FLT1: variants seen among roughly 807,000 people sequenced by gnomAD.
The protein encoded by FLT1 is fms related receptor tyrosine kinase 1.
In FLT1, 49 loss-of-function variants were observed where a neutral mutation model predicts 156.3. The ratio of observed to expected loss-of-function variants is 0.31; its 90% CI spans 0.25 to 0.40. The LOEUF (loss-of-function observed/expected upper bound fraction) is 0.40. FLT1 is among the 10% of genes least tolerant of loss of function. The pLI is 1.00. For synonymous variants in FLT1, 594 were observed against 583.8 expected (o/e 1.02, Z -0.25); for missense variants, 1,322 against 1,637.2 (o/e 0.81, Z 3.32).
intron 27 of FLT1, 47 bp from the exon 28 acceptor site, chr13:28,308,974 G>T: frequency 3.6e-6 from 4 of 1,122,074 alleles, no homozygotes; most frequent in Non-Finnish European, 1.4e-6. Flanking sequence ...AAGGCATCCA[G>T]CTCTAATGAG....
At chr13:28,409,353 CTT>C (rs60544619) in intron 10 of FLT1, among the ~76,000 whole-genome samples, 28 of 143,230 alleles carry the variant, frequency 2.0e-4, no homozygotes, top group East Asian at 1.2e-3. Flanking sequence ...TTCTTTCTTT[CTT>C]TTTTTTTTTT....
At chr13:28,491,085 C>G (rs1324558652) in intron 1 of FLT1, among the ~76,000 whole-genome samples, 2 of 152,308 alleles carry the variant, frequency 1.3e-5, no homozygotes, top group East Asian at 3.9e-4. Flanking sequence ...TCAGCCATAA[C>G]TCTGCTGTGT....
intron 1 of FLT1, among the ~76,000 whole-genome samples, chr13:28,479,942 G>T (rs918533171): frequency 2.0e-5 from 3 of 152,174 alleles, no homozygotes; most frequent in Admixed American, 1.3e-4. Context: ...AGCTCATTCT[G>T]TAGGACAAAA....
intron 3 of FLT1, among the ~76,000 whole-genome samples, chr13:28,450,734 C>T (rs1360926510): frequency 1.3e-5 from 2 of 152,146 alleles, no homozygotes; most frequent in Admixed American, 1.3e-4. Context: ...TTTTAAGATG[C>T]CCTAATTCTG....
intron 19 of FLT1, 93 bp from the exon 20 acceptor site, chr13:28,327,643 C>A (rs1871739439): frequency 1.2e-6 from 1 of 840,562 alleles, no homozygotes. Context: ...CTCAAACCAA[C>A]CAGCCTTTGT....
intron 18 of FLT1, among the ~76,000 whole-genome samples, chr13:28,330,607 TC>T (rs1449710823): frequency 2.2e-5 from 3 of 138,210 alleles, no homozygotes; most frequent in Non-Finnish European, 4.7e-5. Context: ...TATATATATA[TC>T]ATATATATAT....
intron 14 of FLT1, among the ~76,000 whole-genome samples, chr13:28,363,561 T>C (rs956617148): frequency 3.9e-5 from 6 of 152,196 alleles, no homozygotes; most frequent in African/African-American, 1.4e-4. Flanking sequence ...ACAGGTATTA[T>C]AGATTATATA....
At chr13:28,317,240 C>T (rs1593674094) in intron 25 of FLT1, among the ~76,000 whole-genome samples, 1 of 152,210 alleles carries the variant, frequency 6.6e-6, no homozygotes, top group South Asian at 2.1e-4. Flanking sequence ...CAGTTCCCAG[C>T]TAGAGCCCTT....
intron 13 of FLT1, chr13:28,386,080 A>G (rs1593731252): frequency 9.5e-7 from 1 of 1,055,152 alleles, no homozygotes; most frequent in Non-Finnish European, 1.1e-6. Flanking sequence ...ACTGTCTTCA[A>G]TTATACAGTA....
chr13:28,372,359 C>T (rs1363410174), intron 14 of FLT1, among the ~76,000 whole-genome samples: 1 of 149,624 alleles, frequency 6.7e-6, no homozygotes, highest in East Asian at 2.0e-4. Context: ...TGGGGGATTA[C>T]AGGCATGAGC....
chr13:28,314,114 C>G (rs1871111790), intron 25 of FLT1, among the ~76,000 whole-genome samples: 1 of 152,164 alleles, frequency 6.6e-6, no homozygotes, highest in Admixed American at 6.5e-5. Context: ...GGGAGGATCA[C>G]TTGAGCCTGG....
At chr13:28,396,304 G>C (rs1875038362) in intron 12 of FLT1, among the ~76,000 whole-genome samples, 1 of 152,202 alleles carries the variant, frequency 6.6e-6, no homozygotes, top group Non-Finnish European at 1.5e-5. Context: ...AGAAATTGGG[G>C]GAGTGTGGAG....
At chr13:28,304,695 G>A (rs998776720) in intron 29 of FLT1, among the ~76,000 whole-genome samples, 1 of 151,898 alleles carries the variant, frequency 6.6e-6, no homozygotes, top group Non-Finnish European at 1.5e-5. Context: ...TCTTCCTCAC[G>A]CCCTCCAGCC....
intron 12 of FLT1, among the ~76,000 whole-genome samples, chr13:28,394,635 T>C (rs1299426571): frequency 6.6e-6 from 1 of 152,090 alleles, no homozygotes; most frequent in Non-Finnish European, 1.5e-5. Context: ...GTTCCCCTTT[T>C]CTCTTAGCAC....
intron 16 of FLT1, among the ~76,000 whole-genome samples, chr13:28,340,461 T>C (rs1166687009): frequency 6.6e-6 from 1 of 152,224 alleles, no homozygotes; most frequent in Non-Finnish European, 1.5e-5. Flanking sequence ...GTGTATTTCC[T>C]GTTAATGGGC....
intron 3 of FLT1, among the ~76,000 whole-genome samples, chr13:28,449,477 T>C (rs1010159482): frequency 1.3e-5 from 2 of 152,180 alleles, no homozygotes; most frequent in African/African-American, 2.4e-5. Context: ...CTATAATTTA[T>C]CAGCTAAAAA....
chr13:28,301,039 T>C lies in FLT1; in HGVS notation c.*2128A>G, dbSNP rs1191454035. ...TGAAGGAGCTGAGTAACAATTCTAATGGTTTTGCTTTTCTCTTGAAAAGGA... is the reference window on the plus strand; with the variant it reads ...TGAAGGAGCTGAGTAACAATTCTAACGGTTTTGCTTTTCTCTTGAAAAGGA... On this transcript the variant is annotated 3_prime_UTR_variant, in exon 30 of 30. Transcript: ENST00000282397. 1 of 232,530 alleles carries C rather than the reference T, an allele frequency of 4.3e-6. No individual in the cohort carries two copies. Among genetic ancestry groups the C allele is most frequent in the Non-Finnish European group, 8.5e-6 (1 of 117,704 alleles). The allele number at this position is 232,530 out of a possible 1,614,324, so 14.4% of individuals were successfully genotyped here. A position where few individuals can be genotyped will look rare whatever the true frequency, so the allele number is the denominator to read the frequency against.
At chr13:28,440,258 CAT>C (rs890689989) in intron 3 of FLT1, among the ~76,000 whole-genome samples, 1 of 152,204 alleles carries the variant, frequency 6.6e-6, no homozygotes. Context: ...ATGTCTGTCT[CAT>C]GTGTACTGAA....
chr13:28,357,443 G>T, intron 15 of FLT1, 111 bp downstream of exon 15: 1 of 1,136,994 alleles, frequency 8.8e-7, no homozygotes, highest in Non-Finnish European at 1.3e-6. Context: ...AGGAGGTCAG[G>T]GAAAGGAACA....
Sources: gnomAD v4.1 joint callset for allele counts (sites outside exome capture counted in the v4.1 genomes callset) on GRCh38, gnomAD v4.1.1 for gene constraint, MANE v1.5 for transcripts, NCBI Gene and HGNC (gene_info 2026-07-23, HGNC 2026-07-21) for gene names.